FHIT: variants seen among roughly 807,000 people sequenced by gnomAD.
The protein encoded by FHIT is bis(5'-adenosyl)-triphosphatase.
A neutral mutation model predicts 17.9 loss-of-function variants in FHIT; 19 were observed. The observed-to-expected ratio is 1.06, with a 90% CI of 0.74 to 1.56. The LOEUF (loss-of-function observed/expected upper bound fraction) is 1.56. FHIT is among the 40% of genes most tolerant of loss of function. FHIT has a pLI of 0.00. For missense variants in FHIT, 248 were observed against 189.2 expected (o/e 1.31, Z -1.82); for synonymous variants, 81 against 69.7 (o/e 1.16, Z -0.81).
At chr3:59,860,797 G>C (rs1235116689) in intron 8 of FHIT, among the ~76,000 whole-genome samples, 1 of 152,144 alleles carries the variant, frequency 6.6e-6, no homozygotes, top group Non-Finnish European at 1.5e-5. Flanking sequence ...GAAAATAGAA[G>C]GAAAAAGAAT....
At chr3:60,511,770 G>T (rs1462780520) in intron 5 of FHIT, among the ~76,000 whole-genome samples, 2 of 152,122 alleles carry the variant, frequency 1.3e-5, no homozygotes, top group African/African-American at 4.8e-5. Context: ...TTCCAGATCT[G>T]AAGCAGGGAA....
At chr3:60,705,736 C>T (rs574047422) in intron 4 of FHIT, among the ~76,000 whole-genome samples, 2 of 152,302 alleles carry the variant, frequency 1.3e-5, no homozygotes, top group East Asian at 1.9e-4. Context: ...TACTTAATTA[C>T]TGAACGGAGT....
At chr3:60,591,598 C>T (rs2038086183) in intron 4 of FHIT, among the ~76,000 whole-genome samples, 2 of 151,974 alleles carry the variant, frequency 1.3e-5, no homozygotes, top group African/African-American at 4.8e-5. Flanking sequence ...ATTCAAAATC[C>T]AGGTACATTC....
At chr3:60,606,335 G>T (rs1383602917) in intron 4 of FHIT, among the ~76,000 whole-genome samples, 1 of 151,738 alleles carries the variant, frequency 6.6e-6, no homozygotes, top group Non-Finnish European at 1.5e-5. Context: ...CTGCCTCCCG[G>T]ATTCAAGTGA....
intron 5 of FHIT, among the ~76,000 whole-genome samples, chr3:60,196,055 G>C (rs1306974572): frequency 6.6e-6 from 1 of 152,128 alleles, no homozygotes; most frequent in Non-Finnish European, 1.5e-5. Flanking sequence ...AAACTTGAAA[G>C]TGATACAGTT....
At chr3:60,292,125 T>C (rs1241947956) in intron 5 of FHIT, among the ~76,000 whole-genome samples, 11 of 152,054 alleles carry the variant, frequency 7.2e-5, no homozygotes, top group Non-Finnish European at 1.6e-4. Flanking sequence ...CCTTGCCAGG[T>C]GAACTGTTAT....
At chr3:59,849,125 C>G (rs532699834) in intron 8 of FHIT, among the ~76,000 whole-genome samples, 2 of 152,168 alleles carry the variant, frequency 1.3e-5, no homozygotes, top group African/African-American at 4.8e-5. Flanking sequence ...AATCTCAGCA[C>G]TTTGGGAGGC....
chr3:60,923,939 G>T (rs897779260), intron 3 of FHIT, among the ~76,000 whole-genome samples: 1 of 152,188 alleles, frequency 6.6e-6, no homozygotes, highest in Admixed American at 6.5e-5. Context: ...AGGGTCCTAC[G>T]CCCATGGAGC....
At chr3:61,121,324 T>C (rs1390176805) in intron 2 of FHIT, among the ~76,000 whole-genome samples, 1 of 151,804 alleles carries the variant, frequency 6.6e-6, no homozygotes, top group Non-Finnish European at 1.5e-5. Flanking sequence ...GAAAGAAAAA[T>C]GTTAAGGGCA....
intron 5 of FHIT, among the ~76,000 whole-genome samples, chr3:60,178,947 G>A (rs1056034649): frequency 5.9e-5 from 9 of 151,962 alleles, no homozygotes; most frequent in Admixed American, 4.6e-4. Flanking sequence ...TATAAAATAC[G>A]TATTACCATC....
chr3:59,966,258 G>C (rs1397578354), intron 7 of FHIT, among the ~76,000 whole-genome samples: 2 of 152,122 alleles, frequency 1.3e-5, no homozygotes, highest in Non-Finnish European at 2.9e-5. Context: ...TGTCCCCCAA[G>C]CATGTGGCTT....
chr3:60,741,906 C>T (rs1417245180), intron 4 of FHIT, among the ~76,000 whole-genome samples: 2 of 152,116 alleles, frequency 1.3e-5, no homozygotes, highest in East Asian at 3.9e-4. Context: ...TCACAGTGAC[C>T]TGGGGGACTT....
intron 7 of FHIT, among the ~76,000 whole-genome samples, chr3:59,950,986 G>A (rs1298468675): frequency 6.6e-6 from 1 of 152,178 alleles, no homozygotes; most frequent in East Asian, 1.9e-4. Context: ...GTTTGGCATA[G>A]TAACAACAAT....
chr3:61,075,144 A>C (rs952779088), intron 2 of FHIT, among the ~76,000 whole-genome samples: 2 of 152,012 alleles, frequency 1.3e-5, no homozygotes, highest in African/African-American at 4.8e-5. Context: ...CCTTTTGGGA[A>C]AAATAGGCAC....
intron 5 of FHIT, among the ~76,000 whole-genome samples, chr3:60,193,943 AGAC>A (rs766237210): frequency 6.6e-6 from 1 of 152,232 alleles, no homozygotes; most frequent in Non-Finnish European, 1.5e-5. Context: ...AAAGTATCAT[AGAC>A]GACACAAATG....
At chr3:60,118,737 G>GGTGAC (rs1436704452) in intron 5 of FHIT, among the ~76,000 whole-genome samples, 2 of 121,092 alleles carry the variant, frequency 1.7e-5, no homozygotes, top group South Asian at 3.0e-4. Flanking sequence ...GTCCGGGCCT[G>GGTGAC]TAATCCCAGC....
At chr3:60,895,701 T>C (rs1313383908) in intron 3 of FHIT, among the ~76,000 whole-genome samples, 65 of 148,068 alleles carry the variant, frequency 4.4e-4, no homozygotes, top group African/African-American at 1.5e-3. Flanking sequence ...TTTCTTTCTT[T>C]CTTTCTTTCT....
chr3:60,122,366 CAG>C (rs1328693450), intron 5 of FHIT, among the ~76,000 whole-genome samples: 2 of 152,068 alleles, frequency 1.3e-5, no homozygotes, highest in Non-Finnish European at 2.9e-5. Flanking sequence ...TCCCGGCCCT[CAG>C]GGAACATTTG....
intron 3 of FHIT, among the ~76,000 whole-genome samples, chr3:60,852,131 CA>C (rs1196422631): frequency 2.0e-5 from 3 of 151,732 alleles, no homozygotes; most frequent in African/African-American, 7.2e-5. Context: ...TTGATTAGGA[CA>C]AAAAAAAGCT....
Sources: allele counts gnomAD v4.1 joint callset (sites outside exome capture counted in the v4.1 genomes callset), GRCh38; gene constraint gnomAD v4.1.1; transcripts MANE v1.5; gene names NCBI Gene and HGNC (gene_info 2026-07-23, HGNC 2026-07-21).